KCNH8: variants seen among roughly 807,000 people sequenced by gnomAD.
KCNH8 encodes the protein voltage-gated delayed rectifier potassium channel KCNH8.
KCNH8 carries 70 observed loss-of-function variants against 103.6 expected under a neutral mutation model. That is an observed-to-expected ratio of 0.68 (90% confidence interval 0.56 to 0.82). The LOEUF (loss-of-function observed/expected upper bound fraction) is 0.82, where lower values mean the gene tolerates loss of function less well. Among genes scored for constraint, KCNH8 ranks in the 40% least tolerant of loss-of-function variants. The probability of loss-of-function intolerance (pLI) is 0.00; values close to 1 mark genes in which losing one functional copy is unlikely to be tolerated. For missense variants in KCNH8, 1,217 were observed against 1,329.9 expected (o/e 0.92, Z 1.32); for synonymous variants, 498 against 489.4 (o/e 1.02, Z -0.23).
At chr3:19,398,925 T>C (rs1447282786) in intron 7 of KCNH8, among the ~76,000 whole-genome samples, 2 of 152,018 alleles carry the variant, frequency 1.3e-5, no homozygotes, top group African/African-American at 2.4e-5. Context: ...TGCGGTTTAG[T>C]TTGGTGCTGG....
rs544108767 is a variant in KCNH8 at position 19,515,860 on chromosome 3, A to G, written c.2542+432A>G. On this transcript the variant is annotated intron_variant, in intron 14 of 15. Coordinates refer to ENST00000328405, the MANE Select transcript of KCNH8 (RefSeq NM_144633.3). The stretch of plus-strand genomic sequence containing the variant: ...ATACTTGAAGTTTTCCAGATGATAA[A>G]TAACTTCGGAAAGGTATAAGCATGT... Among the ~76,000 whole-genome samples, 9 of 152,186 alleles carry G rather than the reference A, an allele frequency of 5.9e-5. No homozygotes were observed. The South Asian group carries it at 1.4e-3, about 25-fold the overall frequency.
intron 11 of KCNH8, among the ~76,000 whole-genome samples, chr3:19,496,210 G>A (rs2068438351): frequency 6.6e-6 from 1 of 152,068 alleles, no homozygotes; most frequent in South Asian, 2.1e-4. Flanking sequence ...TTAGTACCCT[G>A]GCCAAGACTT....
At chr3:19,486,808 T>C (rs1645742445) in intron 11 of KCNH8, among the ~76,000 whole-genome samples, 1 of 152,184 alleles carries the variant, frequency 6.6e-6, no homozygotes, top group Admixed American at 6.5e-5. Context: ...CTCGTAGGAA[T>C]TCCCTTACTT....
intron 7 of KCNH8, among the ~76,000 whole-genome samples, chr3:19,419,740 T>G (rs2066922972): frequency 6.6e-6 from 1 of 151,832 alleles, no homozygotes; most frequent in Non-Finnish European, 1.5e-5. Flanking sequence ...TGGATTCACA[T>G]CCTACTATAT....
At chr3:19,183,250 G>C (rs2063473248) in intron 1 of KCNH8, among the ~76,000 whole-genome samples, 1 of 152,116 alleles carries the variant, frequency 6.6e-6, no homozygotes, top group African/African-American at 2.4e-5. Context: ...TTTATTTGTA[G>C]ACGATATCAT....
At position 19,451,423 on chromosome 3, in the gene KCNH8, A is replaced by G. The variant is rs2067445855; in HGVS notation, c.1825+19A>G. On this transcript the variant is annotated intron_variant, in intron 10 of 15. Transcript: ENST00000328405. Reference sequence around the variant, plus strand: ...ATTCTTGGTAGGTCTGAATTGAAAAACTTGTATGAAATTTGACTCTGGAGC... The same window carrying G: ...ATTCTTGGTAGGTCTGAATTGAAAAGCTTGTATGAAATTTGACTCTGGAGC... 4.4e-6 allele frequency: 7 copies of G among 1,607,518 alleles called. No homozygotes were observed. Among genetic ancestry groups the G allele is most frequent in the Non-Finnish European group, 6.0e-6 (7 of 1,175,888 alleles).
At chr3:19,439,814 G>A (rs1559328679) in intron 8 of KCNH8, among the ~76,000 whole-genome samples, 1 of 151,926 alleles carries the variant, frequency 6.6e-6, no homozygotes, top group Non-Finnish European at 1.5e-5. Context: ...GCCATCTTAT[G>A]CACAAAGATA....
rs182199548 is a variant in KCNH8 at position 19,376,471 on chromosome 3, C to T, written c.812-14010C>T. Among the ~76,000 whole-genome samples, 1,261 of 152,208 alleles carry T rather than the reference C, an allele frequency of 8.3e-3. 15 individuals are homozygous for T. The highest frequency in any genetic ancestry group is 0.028 in the African/African-American group (1,157 of 41,524). The stretch of plus-strand genomic sequence containing the variant: ...CCTGCTTCGGCTCATGCACGGTGCG[C>T]GCACCCACTGACCTGTGCCCACTGT... On this transcript the variant is annotated intron_variant, in intron 5 of 15. Transcript: ENST00000328405.
intron 1 of KCNH8, among the ~76,000 whole-genome samples, chr3:19,237,192 T>A (rs1268922548): frequency 1.3e-5 from 2 of 152,186 alleles, no homozygotes; most frequent in Non-Finnish European, 2.9e-5. Context: ...TGTTTTTAAT[T>A]GGTGTTTTCG....
intron 11 of KCNH8, among the ~76,000 whole-genome samples, chr3:19,506,978 G>A (rs1292129969): frequency 1.3e-5 from 2 of 152,148 alleles, no homozygotes; most frequent in South Asian, 2.1e-4. Context: ...AGGGCAGCAA[G>A]AGCAGTACCA....
chr3:19,452,919 CTATT>C (rs1438635086), intron 10 of KCNH8, among the ~76,000 whole-genome samples: 1 of 152,086 alleles, frequency 6.6e-6, no homozygotes, highest in African/African-American at 2.4e-5. Context: ...TATCACAGCA[CTATT>C]TATGATATCA....
intron 1 of KCNH8, among the ~76,000 whole-genome samples, chr3:19,176,808 A>T (rs1046596625): frequency 6.6e-6 from 1 of 152,160 alleles, no homozygotes; most frequent in South Asian, 2.1e-4. Context: ...AAATTGTATA[A>T]ACACTGAATT....
At chr3:19,269,749 C>A (rs553941662) in intron 2 of KCNH8, among the ~76,000 whole-genome samples, 7 of 152,108 alleles carry the variant, frequency 4.6e-5, no homozygotes, top group African/African-American at 1.7e-4. Flanking sequence ...AAGCAGCTTC[C>A]GCTCATGGAT....
intron 1 of KCNH8, among the ~76,000 whole-genome samples, chr3:19,194,180 A>G (rs1374015720): frequency 1.3e-5 from 2 of 151,818 alleles, no homozygotes; most frequent in African/African-American, 2.4e-5. Flanking sequence ...ATAGTAGGTA[A>G]TAGTATGCAT....
intron 14 of KCNH8, 134 bp from the exon 15 acceptor site, chr3:19,517,864 G>A (rs888458921): frequency 6.0e-6 from 4 of 668,116 alleles, no homozygotes; most frequent in Middle Eastern, 2.7e-4. Flanking sequence ...ATCCCTAAAA[G>A]ACAGTACAGT....
At chr3:19,443,973 C>T (rs1231148418) in intron 8 of KCNH8, among the ~76,000 whole-genome samples, 1 of 151,932 alleles carries the variant, frequency 6.6e-6, no homozygotes, top group African/African-American at 2.4e-5. Context: ...AACCTAAAGA[C>T]TCAATGCAAT....
At chr3:19,461,214 G>A (rs2067621704) in intron 11 of KCNH8, among the ~76,000 whole-genome samples, 2 of 152,070 alleles carry the variant, frequency 1.3e-5, no homozygotes, top group South Asian at 2.1e-4. Flanking sequence ...AAGGCAGATG[G>A]GACCTTCATT....
intron 1 of KCNH8, among the ~76,000 whole-genome samples, chr3:19,228,745 A>G (rs2063960403): frequency 6.6e-6 from 1 of 152,260 alleles, no homozygotes; most frequent in South Asian, 2.1e-4. Context: ...CAAAGCAGAT[A>G]AAAAGTAGAA....
At chr3:19,474,679 T>A (rs1290810382) in intron 11 of KCNH8, among the ~76,000 whole-genome samples, 1 of 152,208 alleles carries the variant, frequency 6.6e-6, no homozygotes, top group Non-Finnish European at 1.5e-5. Context: ...TATGAATGTA[T>A]ACAACATACT....
Sources: allele counts gnomAD v4.1 joint callset (sites outside exome capture counted in the v4.1 genomes callset), GRCh38; gene constraint gnomAD v4.1.1; transcripts MANE v1.5; gene names NCBI Gene and HGNC (gene_info 2026-07-23, HGNC 2026-07-21).